Variants in PRKG1 observed in about 807,000 individuals in gnomAD.
PRKG1 encodes cGMP-dependent protein kinase 1.
Under a neutral mutation model 88.1 loss-of-function variants are expected in PRKG1, and 35 were observed. The ratio of observed to expected loss-of-function variants is 0.40; its 90% CI spans 0.30 to 0.53. The LOEUF (loss-of-function observed/expected upper bound fraction) is 0.53. Ranked by LOEUF, PRKG1 falls within the 20% of genes least tolerant of loss-of-function variation. PRKG1 has a pLI of 0.59. For missense variants in PRKG1, 540 were observed against 839.8 expected (o/e 0.64, Z 4.41); for synonymous variants, 303 against 292.5 (o/e 1.04, Z -0.37).
At chr10:52,109,684 TTGAACTCAG>T (rs1847509402) in intron 7 of PRKG1, among the ~76,000 whole-genome samples, 1 of 151,772 alleles carries the variant, frequency 6.6e-6, no homozygotes, top group Admixed American at 6.6e-5. Flanking sequence ...GGAGAATCAC[TTGAACTCAG>T]TGATGTCGGC....
chr10:51,247,640 C>T (rs1220863549), intron 2 of PRKG1, among the ~76,000 whole-genome samples: 1 of 151,932 alleles, frequency 6.6e-6, no homozygotes, highest in Non-Finnish European at 1.5e-5. Context: ...CAGGGGCCAG[C>T]ATAGTGCATC....
chr10:51,929,844 T>C (rs1457735092), intron 5 of PRKG1, among the ~76,000 whole-genome samples: 1 of 152,218 alleles, frequency 6.6e-6, no homozygotes, highest in Non-Finnish European at 1.5e-5. Flanking sequence ...AGGGACATGT[T>C]ATTTTCACCT....
chr10:52,151,499 T>C (rs1320203956), intron 8 of PRKG1, among the ~76,000 whole-genome samples: 2 of 152,220 alleles, frequency 1.3e-5, no homozygotes, highest in African/African-American at 4.8e-5. Flanking sequence ...TAAACATATG[T>C]GAAACTTATC....
chr10:51,232,087 A>G (rs1838860562), intron 2 of PRKG1, among the ~76,000 whole-genome samples: 1 of 152,212 alleles, frequency 6.6e-6, no homozygotes, highest in African/African-American at 2.4e-5. Context: ...TAAAGGTACT[A>G]AAAAGAGGTT....
At chr10:52,053,228 T>C (rs1355153445) in intron 5 of PRKG1, among the ~76,000 whole-genome samples, 1 of 6,348 alleles carries the variant, frequency 1.6e-4, no homozygotes, top group Non-Finnish European at 4.5e-3. Flanking sequence ...GAATAAGAAA[T>C]ACTTTTTTAT....
intron 9 of PRKG1, among the ~76,000 whole-genome samples, chr10:52,248,477 C>T (rs1213029607): frequency 1.3e-5 from 2 of 152,130 alleles, no homozygotes; most frequent in Non-Finnish European, 2.9e-5. Context: ...TCAAAGACCG[C>T]TTCAAAATGT....
chr10:51,496,367 G>A lies in PRKG1; in HGVS notation c.592+28531G>A, dbSNP rs370461290. The stretch of plus-strand genomic sequence containing the variant: ...ATGATGTGTTATTGGGTTGCAGACA[G>A]AAGAGTTCTGAGTTAGACTGTGTTA... On this transcript the variant is annotated intron_variant, in intron 3 of 17. Coordinates refer to ENST00000373980, the MANE Select transcript of PRKG1 (RefSeq NM_006258.4). 6.6e-5 allele frequency among the ~76,000 whole-genome samples: 10 copies of A among 152,156 alleles called. No individual in the cohort carries two copies. In the East Asian group the frequency reaches 1.4e-3, roughly 21 times the overall value.
intron 5 of PRKG1, among the ~76,000 whole-genome samples, chr10:52,048,068 T>A (rs1474193546): frequency 6.6e-6 from 1 of 152,096 alleles, no homozygotes; most frequent in Non-Finnish European, 1.5e-5. Context: ...CAGCTATTTT[T>A]ATAATTAGTA....
intron 2 of PRKG1, among the ~76,000 whole-genome samples, chr10:51,187,126 T>C (rs7093618): frequency 0.053 from 7,980 of 151,616 alleles, 395 homozygotes; most frequent in African/African-American, 0.13. Context: ...TCAGAATTGC[T>C]TTGAAATAGT....
At chr10:50,996,644 TAC>T (rs1842839804) in intron 1 of PRKG1, among the ~76,000 whole-genome samples, 1 of 152,218 alleles carries the variant, frequency 6.6e-6, no homozygotes, top group Non-Finnish European at 1.5e-5. Flanking sequence ...AGTGCTGTGT[TAC>T]AGGCAGGGCA....
intron 1 of PRKG1, among the ~76,000 whole-genome samples, chr10:51,063,601 A>C (rs765211563): frequency 9.9e-5 from 15 of 152,208 alleles, no homozygotes; most frequent in Non-Finnish European, 2.2e-4. Context: ...ATTGACAGAA[A>C]AGTTATTACA....
chr10:52,156,964 A>G (rs141353225), intron 8 of PRKG1, among the ~76,000 whole-genome samples: 209 of 151,846 alleles, frequency 1.4e-3, no homozygotes, highest in African/African-American at 4.8e-3. Flanking sequence ...CATTTTGCTT[A>G]GCATTATTGA....
intron 3 of PRKG1, among the ~76,000 whole-genome samples, chr10:51,756,353 A>G (rs1349289029): frequency 1.3e-5 from 2 of 151,850 alleles, no homozygotes; most frequent in East Asian, 3.9e-4. Flanking sequence ...CAGGTGTGGT[A>G]ATGTATGCCT....
chr10:51,593,314 C>CA (rs1205613451), intron 3 of PRKG1, among the ~76,000 whole-genome samples: 1 of 132,662 alleles, frequency 7.5e-6, no homozygotes, highest in Non-Finnish European at 1.5e-5. Flanking sequence ...CTGAGAAAAA[C>CA]AAAAAACAAA....
At chr10:51,896,270 A>G (rs1333732283) in intron 4 of PRKG1, among the ~76,000 whole-genome samples, 1 of 152,172 alleles carries the variant, frequency 6.6e-6, no homozygotes, top group East Asian at 1.9e-4. Context: ...AACATTTTGC[A>G]TATACTGTAT....
At chr10:51,529,416 T>C (rs1841960238) in intron 3 of PRKG1, among the ~76,000 whole-genome samples, 2 of 152,222 alleles carry the variant, frequency 1.3e-5, no homozygotes, top group South Asian at 2.1e-4. Context: ...CAGGCTCATA[T>C]GGAAATACAC....
At chr10:51,741,589 C>A in intron 3 of PRKG1, among the ~76,000 whole-genome samples, 1 of 151,878 alleles carries the variant, frequency 6.6e-6, no homozygotes, top group East Asian at 1.9e-4. Flanking sequence ...TTTAAGACGT[C>A]CACAAGGCAA....
chr10:51,337,954 G>A (rs916603643), intron 2 of PRKG1, among the ~76,000 whole-genome samples: 2 of 152,144 alleles, frequency 1.3e-5, no homozygotes, highest in African/African-American at 4.8e-5. Flanking sequence ...GCATGTATAT[G>A]TTCATTGCAG....
chr10:51,238,017 GT>G (rs959838510), intron 2 of PRKG1, among the ~76,000 whole-genome samples: 2 of 152,110 alleles, frequency 1.3e-5, no homozygotes, highest in Non-Finnish European at 2.9e-5. Flanking sequence ...CATTGAAACT[GT>G]TCATTGCTAA....
Sources: allele counts gnomAD v4.1 joint callset (sites outside exome capture counted in the v4.1 genomes callset), GRCh38; gene constraint gnomAD v4.1.1; transcripts MANE v1.5; gene names NCBI Gene and HGNC (gene_info 2026-07-23, HGNC 2026-07-21).